PFAS: variants seen among roughly 807,000 people sequenced by gnomAD.
The protein encoded by PFAS is phosphoribosylformylglycinamidine synthase.
PFAS carries 97 observed loss-of-function variants against 140.6 expected under a neutral mutation model. The ratio of observed to expected loss-of-function variants is 0.69; its 90% CI spans 0.59 to 0.82. The LOEUF (loss-of-function observed/expected upper bound fraction) is 0.82. Among genes scored for constraint, PFAS ranks in the 40% least tolerant of loss-of-function variants. The pLI, the probability that PFAS is intolerant of heterozygous loss-of-function variation, is 0.00. For missense variants in PFAS, 1,656 were observed against 1,780.2 expected (o/e 0.93, Z 1.26); for synonymous variants, 679 against 718.8 (o/e 0.94, Z 0.88).
chr17:8,263,600 C>T lies in PFAS; in HGVS notation c.1593C>T (p.Asp531=). ...GCAATGTCCTAAAAGAGCTGAGTGA[C>T]CCAGCTGGAGCCATCATTTACACCA... is the stretch of plus-strand genomic sequence containing the variant. ...GNGNVLKELS[D]PAGAIIYTSR... The change falls in exon 14 of 28, where the codon GAC becomes GAT. Residue 531 remains aspartate, a synonymous_variant. Transcript: ENST00000314666. 1 of 1,614,094 alleles carries T rather than the reference C, an allele frequency of 6.2e-7. No individual in the cohort carries two copies. Among genetic ancestry groups the T allele is most frequent in the South Asian group, 1.1e-5 (1 of 91,086 alleles).
rs1989830520 is a variant in PFAS at position 8,266,755 on chromosome 17, C to T, written c.2824C>T (p.Leu942=). The T allele has an allele frequency of 1.2e-6, 2 of 1,602,236 alleles. No individual in the cohort carries two copies. Among genetic ancestry groups the T allele is most frequent in the African/African-American group, 1.3e-5 (1 of 74,678 alleles). The stretch of plus-strand genomic sequence containing the variant: ...GACTCCCCACATTGCTCTCCCAGTC[C>T]TGTCTGTGCTGTTCGCTGAGGAGCC... ...VDVPVPRVDV[L]SVLFAEEPGL... Residue 942 remains leucine (L), a splice_region_variant and synonymous_variant, in exon 23 of 28, where the codon CTG becomes TTG. Transcript: ENST00000314666. This position sits in a 1 kb window ranked among gnomAD's most constrained non-coding sequence, Gnocchi z 5.0.
chr17:8,267,526 A>G lies in PFAS; in HGVS notation c.3268-25A>G. ...GCCTCAGCTGCGTGTCCTCCCACCC[A>G]CACTCCCCCTCCCCACCTTCGCAGG... is the stretch of plus-strand genomic sequence containing the variant. On this transcript the variant is annotated intron_variant, in intron 25 of 27. Coordinates refer to ENST00000314666, the MANE Select transcript of PFAS (RefSeq NM_012393.3). The surrounding 1 kb of genome is among the most constrained non-coding windows in gnomAD (Gnocchi z 4.9). The G allele has an allele frequency of 6.3e-7, 1 of 1,588,938 alleles. No homozygotes were observed. Among genetic ancestry groups the G allele is most frequent in the Non-Finnish European group, 8.6e-7 (1 of 1,157,180 alleles).
In PFAS at chr17:8,256,756, C is replaced by T. The variant is rs1480937595; in HGVS notation, c.947-79C>T. 30 of 1,553,406 alleles carry T rather than the reference C, an allele frequency of 1.9e-5. 1 individual carries two copies. The South Asian group carries it at 2.7e-4, about 14-fold the overall frequency. On this transcript the variant is annotated intron_variant, in intron 8 of 27. Coordinates refer to ENST00000314666, the MANE Select transcript of PFAS (RefSeq NM_012393.3). ...GAAAATAATCAGGGAAATTGGTTGT[C>T]CTTATTTTCAGTGGGGGTGGTCAGA...
At chr17:8,247,700 G>A, upstream of PFAS, 2 of 368,298 alleles carry the variant, frequency 5.4e-6, no homozygotes, top group South Asian at 6.8e-5. Flanking sequence ...CTCCGTCAAG[G>A]GTCTTCTCCA....
Position 8,260,904 on chromosome 17 carries a change from G to A in PFAS, c.1337-2016G>A, listed in dbSNP as rs576678907. Reference sequence around the variant, plus strand: ...CTCCCAAAGTGCTGGGATTACAGGCGTGAGCCACCGCGCCCGGCCTATGTA... The same window carrying A: ...CTCCCAAAGTGCTGGGATTACAGGCATGAGCCACCGCGCCCGGCCTATGTA... On this transcript the variant is annotated intron_variant, in intron 11 of 27. Transcript: ENST00000314666. Among the ~76,000 whole-genome samples the A allele has an allele frequency of 5.9e-5, 9 of 152,136 alleles. No individual in the cohort carries two copies. In the South Asian group the frequency reaches 6.2e-4, roughly 11 times the overall value.
intron 13 of PFAS, 47 bp downstream of exon 13, chr17:8,263,312 G>A (rs1386286941): frequency 1.9e-6 from 3 of 1,601,596 alleles, no homozygotes; most frequent in Non-Finnish European, 2.6e-6. Context: ...CTGGTATCCT[G>A]CCAGGTTTCG....
rs541884830 is a variant in PFAS, at chr17:8,252,163, G to A, written c.-79-1696G>A. ...ACAAAAATTAGCTGGGCGTGGTGGC[G>A]CATGCCTGTAATCTCAGCTACTTGG... On this transcript the variant is annotated intron_variant, in intron 1 of 27. Coordinates refer to ENST00000314666, the MANE Select transcript of PFAS (RefSeq NM_012393.3). 9.2e-5 allele frequency among the ~76,000 whole-genome samples: 14 copies of A among 151,390 alleles called. No homozygotes were observed. In the East Asian group the frequency reaches 2.5e-3, roughly 27 times the overall value.
chr17:8,254,944 C>T (rs1240573183), intron 3 of PFAS, 83 bp from the exon 4 acceptor site: 3 of 930,874 alleles, frequency 3.2e-6, no homozygotes, highest in Non-Finnish European at 5.3e-6. Context: ...GGAGGTTGTC[C>T]AGACAGCAGT....
At chr17:8,251,598 G>A (rs1052625625) in intron 1 of PFAS, among the ~76,000 whole-genome samples, 1 of 151,856 alleles carries the variant, frequency 6.6e-6, no homozygotes, top group Non-Finnish European at 1.5e-5. Flanking sequence ...ACTGCTCCTG[G>A]CTTCTGTGGG....
At chr17:8,262,520 A>T (rs1444699966) in intron 11 of PFAS, 2 of 197,514 alleles carry the variant, frequency 1.0e-5, no homozygotes, top group Non-Finnish European at 2.1e-5. Flanking sequence ...TGGGCTAGGC[A>T]GGGTGGCTCA....
rs771111044 is a variant in PFAS at position 8,262,908 on chromosome 17, C to T, written c.1337-12C>T. ...TTCCCCAGTGTTCTGATTCTGCCTTCCCTTCTTACAGGCATGGAAGTTGTA... is the reference window on the plus strand; with the variant it reads ...TTCCCCAGTGTTCTGATTCTGCCTTTCCTTCTTACAGGCATGGAAGTTGTA... On this transcript the variant is annotated splice_polypyrimidine_tract_variant and intron_variant, in intron 11 of 27. Transcript: ENST00000314666. 2 of 1,611,484 alleles carry T rather than the reference C, an allele frequency of 1.2e-6. No homozygotes were observed. The highest frequency in any genetic ancestry group is 1.7e-5 in the Admixed American group (1 of 60,020).
At chr17:8,264,110 A>G in intron 15 of PFAS, 102 bp from the exon 16 acceptor site, 2 of 1,545,334 alleles carry the variant, frequency 1.3e-6, no homozygotes, top group South Asian at 2.2e-5. Context: ...TATGGAAACC[A>G]AACAAGGAGT....
chr17:8,254,407 G>T, intron 3 of PFAS, 106 bp downstream of exon 3: 1 of 1,330,428 alleles, frequency 7.5e-7, no homozygotes. Context: ...TCCTGCCTAG[G>T]AAACCACACA....
At position 8,253,843 on chromosome 17, in the gene PFAS, T is replaced by G; in HGVS notation, c.-79-16T>G. On this transcript the variant is annotated splice_polypyrimidine_tract_variant and intron_variant, in intron 1 of 27. Coordinates refer to ENST00000314666, the MANE Select transcript of PFAS (RefSeq NM_012393.3). ...TGTGAGCCACCACGCCCGGCTTAGT[T>G]AATGTTATTTTTTAGGAACCTAATT... 6.7e-7 allele frequency: 1 copy of G among 1,497,568 alleles called. No individual in the cohort carries two copies. The highest frequency in any genetic ancestry group is 8.9e-7 in the Non-Finnish European group (1 of 1,121,458). 92.8% of individuals were successfully genotyped at this position (1,497,568 alleles called of 1,614,324 possible). A position where few individuals can be genotyped will look rare whatever the true frequency, so the allele number is the denominator to read the frequency against.
rs772276231 is a variant in PFAS at position 8,269,263 on chromosome 17, G to C, written c.4016G>C (p.Ter1339SerextTer68). The C allele has an allele frequency of 3.1e-6, 5 of 1,600,926 alleles. No homozygotes were observed. Among genetic ancestry groups the C allele is most frequent in the Non-Finnish European group, 4.3e-6 (5 of 1,171,610 alleles). Residue 1339 changes from the stop codon to serine, a stop_lost, in exon 28 of 28, where the codon TGA becomes TCA. Transcript: ENST00000314666. Reference sequence around the variant, plus strand: ...AACTGGACCCTGGAAGGGAGCTGCTGACTGGCCACAGGGGCTCACCTGGGC... The same window carrying C: ...AACTGGACCCTGGAAGGGAGCTGCTCACTGGCCACAGGGGCTCACCTGGGC... Reference protein sequence around the residue: ...ARNWTLEGSC* With the variant: ...ARNWTLEGSCS
In PFAS at chr17:8,256,904, G is replaced by A. The variant is rs184805729; in HGVS notation, c.1016G>A (p.Arg339His). 2.4e-5 allele frequency: 39 copies of A among 1,614,134 alleles called. No individual in the cohort carries two copies. Among genetic ancestry groups the A allele is most frequent in the East Asian group, 1.6e-4 (7 of 44,886 alleles). Residue 339 changes from arginine to histidine, a missense_variant, in exon 9 of 28, where the codon CGC (arginine) becomes CAC (histidine). Physicochemically the swap from Arg to His is conservative, Grantham distance 29. This residue lies in a region of PFAS where 773 missense variants were observed against 757.3 expected (regional missense o/e 1.02). Transcript: ENST00000314666. ...GRIRDVQCTG[R>H]GAHVVAGTAG... Reference sequence around the variant, plus strand: ...ATTCGAGATGTCCAGTGCACAGGCCGCGGGGCCCACGTGGTGGCTGGCACT... The same window carrying A: ...ATTCGAGATGTCCAGTGCACAGGCCACGGGGCCCACGTGGTGGCTGGCACT...
rs117044677 is a variant in PFAS, at chr17:8,265,073, C to T, written c.2228C>T (p.Ala743Val). 67 of 1,613,426 alleles carry T rather than the reference C, an allele frequency of 4.2e-5. No homozygotes were observed. Among genetic ancestry groups the T allele is most frequent in the Non-Finnish European group, 5.7e-5 (67 of 1,179,990 alleles). The change falls in exon 18 of 28, where the codon GCC (alanine) becomes GTC (valine). Residue 743 changes from alanine (A) to valine (V), a missense_variant. Coordinates refer to ENST00000314666, the MANE Select transcript of PFAS (RefSeq NM_012393.3). ...LLDPKVAARL[A>V]VAEALTNLVF... ...GACCCAAAAGTCGCCGCCCGGCTGG[C>T]CGTGGCCGAAGCCCTCACCAACCTG...
Position 8,269,228 on chromosome 17 carries a change from C to T in PFAS, c.3981C>T (p.Ile1327=), listed in dbSNP as rs1245744729. The T allele has an allele frequency of 6.2e-7, 1 of 1,612,234 alleles. No homozygotes were observed. The highest frequency in any genetic ancestry group is 1.7e-5 in the Admixed American group (1 of 59,940). ...LTTSPWLQLF[I]NARNWTLEGS... is the part of the protein sequence containing the mutation. ...CCTCCCCCTGGCTCCAGCTCTTTAT[C>T]AATGCCCGAAACTGGACCCTGGAAG... The change falls in exon 28 of 28, where the codon ATC becomes ATT. Residue 1327 remains isoleucine (I), a synonymous_variant. Transcript: ENST00000314666.
In PFAS at chr17:8,254,004, C is replaced by G. The variant is rs748839729; in HGVS notation, c.67C>G (p.Arg23Gly). 2 of 1,613,990 alleles carry G rather than the reference C, an allele frequency of 1.2e-6. No homozygotes were observed. Among genetic ancestry groups the G allele is most frequent in the Non-Finnish European group, 1.7e-6 (2 of 1,180,030 alleles). Residue 23 changes from arginine to glycine, a missense_variant, in exon 2 of 28, where the codon CGG becomes GGG. Physicochemically the swap from Arg to Gly is moderately radical, Grantham distance 125 (BLOSUM62 -2). Transcript: ENST00000314666. ...TGAGGGGGCAGCCCCTGGACACACT[C>G]GGAGGAAACTGCAAGGGAAACTGCC... ...GHEGAAPGHTRRKLQGKLPEL... is the reference protein window; with the variant it reads ...GHEGAAPGHTGRKLQGKLPEL...
Sources: gnomAD v4.1 joint callset for allele counts (sites outside exome capture counted in the v4.1 genomes callset) on GRCh38, gnomAD v4.1.1 for gene constraint, gnomAD v4.1.1 regional missense constraint, Gnocchi (gnomAD v3.1) non-coding constraint, MANE v1.5 for transcripts, NCBI Gene and HGNC (gene_info 2026-07-23, HGNC 2026-07-21) for gene names.